Variants in SLC5A1 observed in about 807,000 individuals in gnomAD.
SLC5A1 encodes sodium/glucose cotransporter 1.
Under a neutral mutation model 73.5 loss-of-function variants are expected in SLC5A1, and 42 were observed. The observed-to-expected ratio is 0.57, with a 90% confidence interval of 0.45 to 0.74. SLC5A1 has a LOEUF of 0.74. Among genes scored for constraint, SLC5A1 ranks in the 30% least tolerant of loss-of-function variants. The probability of loss-of-function intolerance (pLI) is 0.00; values close to 1 mark genes in which losing one functional copy is unlikely to be tolerated. For synonymous variants in SLC5A1, 300 were observed against 317.4 expected, an observed-to-expected ratio of 0.95 and a Z score of 0.58; for missense variants, 634 against 855.4, an observed-to-expected ratio of 0.74 and a Z score of 3.23.
intron 1 of SLC5A1, among the ~76,000 whole-genome samples, chr22:32,048,475 G>A (rs926732508): frequency 6.6e-6 from 1 of 152,154 alleles, no homozygotes; most frequent in Admixed American, 6.5e-5. Flanking sequence ...AATAAAGCCT[G>A]CACTTTTTAG....
At chr22:32,069,659 C>A (rs1371237563) in intron 5 of SLC5A1, among the ~76,000 whole-genome samples, 1 of 152,100 alleles carries the variant, frequency 6.6e-6, no homozygotes, top group Non-Finnish European at 1.5e-5. Flanking sequence ...TAAATATATA[C>A]AATTTTTATT....
intron 13 of SLC5A1, 91 bp downstream of exon 13, chr22:32,102,328 A>G (rs2094038068): frequency 3.3e-6 from 3 of 904,856 alleles, no homozygotes; most frequent in Admixed American, 1.8e-5. Flanking sequence ...TTATGGGTAC[A>G]TAATAGTTGT....
chr22:32,103,515 C>T (rs2094039989), intron 13 of SLC5A1, among the ~76,000 whole-genome samples: 1 of 152,216 alleles, frequency 6.6e-6, no homozygotes. Context: ...AGGGCTTATT[C>T]TCTGAAACCT....
chr22:32,051,993 C>G (rs2093945677), intron 2 of SLC5A1, among the ~76,000 whole-genome samples: 1 of 152,216 alleles, frequency 6.6e-6, no homozygotes, highest in Non-Finnish European at 1.5e-5. Context: ...AGGTTTAGCT[C>G]TTGTTCTTCT....
chr22:32,071,167 C>T lies in SLC5A1; in HGVS notation c.477+2567C>T, dbSNP rs1305727174. Among the ~76,000 whole-genome samples the T allele has an allele frequency of 2.6e-5, 4 of 152,108 alleles. 1 individual carries two copies. Among genetic ancestry groups the T allele is most frequent in the South Asian group, 4.1e-4 (2 of 4,824 alleles). On this transcript the variant is annotated intron_variant, in intron 5 of 14. Transcript: ENST00000266088. The stretch of plus-strand genomic sequence containing the variant: ...CTTGAAATGTAAGATATAATGATAA[C>T]GAGGCTGGGTGCGGTGGCTCATGCC...
chr22:32,052,672 T>C (rs2093946591), intron 2 of SLC5A1, among the ~76,000 whole-genome samples: 2 of 152,184 alleles, frequency 1.3e-5, no homozygotes, highest in South Asian at 4.2e-4. Flanking sequence ...CATGTGCTCT[T>C]ACTTATCCCA....
At chr22:32,050,075 C>CA in intron 2 of SLC5A1, 61 bp downstream of exon 2, 1 of 1,416,992 alleles carries the variant, frequency 7.1e-7, no homozygotes, top group South Asian at 1.1e-5. Context: ...TTTAGGAACT[C>CA]ATTTTCTTCT....
intron 2 of SLC5A1, among the ~76,000 whole-genome samples, chr22:32,064,778 C>T (rs1314783228): frequency 6.6e-6 from 1 of 152,180 alleles, no homozygotes; most frequent in Non-Finnish European, 1.5e-5. Flanking sequence ...AAGCCACTGT[C>T]CCCTCTCACC....
intron 9 of SLC5A1, among the ~76,000 whole-genome samples, chr22:32,085,637 A>G (rs2094007031): frequency 6.7e-6 from 1 of 148,334 alleles, no homozygotes; most frequent in African/African-American, 2.5e-5. Flanking sequence ...TTGTTGCTTA[A>G]TCTCTTGCTG....
chr22:32,065,122 T>C (rs2093970580), intron 2 of SLC5A1, among the ~76,000 whole-genome samples: 2 of 152,062 alleles, frequency 1.3e-5, no homozygotes, highest in South Asian at 4.2e-4. Context: ...TTTTTACATT[T>C]TTTTTGTAGT....
intron 5 of SLC5A1, among the ~76,000 whole-genome samples, chr22:32,077,333 C>T (rs991139959): frequency 6.7e-6 from 1 of 149,472 alleles, no homozygotes; most frequent in Non-Finnish European, 1.5e-5. Flanking sequence ...TTCCTCTCTC[C>T]CCCTTTTTTC....
chr22:32,071,467 G>A (rs539723367), intron 5 of SLC5A1, among the ~76,000 whole-genome samples: 25 of 152,030 alleles, frequency 1.6e-4, no homozygotes, highest in South Asian at 4.2e-4. Context: ...ATAAATAAAT[G>A]AATGAAGATA....
chr22:32,067,637 A>G (rs2093975981), intron 3 of SLC5A1, among the ~76,000 whole-genome samples: 1 of 151,998 alleles, frequency 6.6e-6, no homozygotes, highest in Admixed American at 6.6e-5. Flanking sequence ...TAATAAATGT[A>G]ATTATTAATT....
rs765594781 is a variant in SLC5A1, at chr22:32,081,944, G to A, written c.556G>A (p.Ala186Thr). 1.2e-6 allele frequency: 2 copies of A among 1,612,166 alleles called. No homozygotes were observed. The highest frequency in any genetic ancestry group is 1.7e-6 in the Non-Finnish European group (2 of 1,178,400). The change falls in exon 6 of 15, where the codon GCA becomes ACA. Residue 186 changes from alanine (A) to threonine (T), a missense_variant. This residue lies in a region of SLC5A1 where 422 missense variants were observed against 626.1 expected (regional missense o/e 0.67). Coordinates refer to ENST00000266088, the MANE Select transcript of SLC5A1 (RefSeq NM_000343.4). Reference protein sequence around the residue: ...NLYLAIFLLLAITALYTITGG... With the variant: ...NLYLAIFLLLTITALYTITGG... ...GTATTTAGCCATCTTTCTCTTATTG[G>A]CAATCACTGCCCTTTACACAATTAC...
chr22:32,110,054 AG>A lies in SLC5A1; in HGVS notation c.1837del (p.Glu613SerfsTer8). On this transcript the variant is annotated frameshift_variant, in exon 15 of 15. Coordinates refer to ENST00000266088, the MANE Select transcript of SLC5A1 (RefSeq NM_000343.4). LOFTEE classifies it high-confidence loss of function. ...RRAYDLFCGL[E>X]QHGAPKMTEE... Reference sequence around the variant, plus strand: ...GAGCCTATGACCTATTTTGTGGGCTAGAGCAGCACGGTGCACCCAAGATGAC... The same window carrying A: ...GAGCCTATGACCTATTTTGTGGGCTAAGCAGCACGGTGCACCCAAGATGAC... 6.2e-7 allele frequency: 1 copy of A among 1,614,050 alleles called. No individual in the cohort carries two copies. The highest frequency in any genetic ancestry group is 8.5e-7 in the Non-Finnish European group (1 of 1,179,910).
intron 11 of SLC5A1, among the ~76,000 whole-genome samples, chr22:32,092,499 A>T (rs1172740771): frequency 6.6e-6 from 1 of 152,128 alleles, no homozygotes; most frequent in African/African-American, 2.4e-5. Context: ...TGGTAGTTCT[A>T]CTTTTAGTTC....
At position 32,067,952 on chromosome 22, in the gene SLC5A1, T is replaced by C; in HGVS notation, c.313-15T>C. ...TTTCCTCCTAATTTGAGTCCACCTT[T>C]TGTGTTCATTTCAGGCCCTGGTTTT... On this transcript the variant is annotated splice_polypyrimidine_tract_variant and intron_variant, in intron 3 of 14. Transcript: ENST00000266088. 1 of 1,614,088 alleles carries C rather than the reference T, an allele frequency of 6.2e-7. No individual in the cohort carries two copies. The highest frequency in any genetic ancestry group is 1.7e-5 in the Admixed American group (1 of 60,020).
rs948643101 is a variant in SLC5A1, at chr22:32,078,739, G to A, written c.478-3127G>A. Among the ~76,000 whole-genome samples, 3 of 152,034 alleles carry A rather than the reference G, an allele frequency of 2.0e-5. No individual in the cohort carries two copies. The East Asian group carries it at 5.8e-4, about 29-fold the overall frequency. ...GGAGGCTGAGGTGGGTGGATCACAA[G>A]ATCAGGAGATTGAGACCATTCTGGC... On this transcript the variant is annotated intron_variant, in intron 5 of 14. Coordinates refer to ENST00000266088, the MANE Select transcript of SLC5A1 (RefSeq NM_000343.4).
Position 32,084,910 on chromosome 22 carries a change from A to C in SLC5A1, c.896A>C (p.Gln299Pro). ...WYWCTDQVIV[Q>P]RCLSAKNMSH... is the part of the protein sequence containing the mutation. ...GGCTTTTTCTGGCAGGTCATTGTGCAGCGCTGCCTCTCAGCCAAGAATATG... is the reference window on the plus strand; with the variant it reads ...GGCTTTTTCTGGCAGGTCATTGTGCCGCGCTGCCTCTCAGCCAAGAATATG... The change falls in exon 9 of 15, where the codon CAG becomes CCG. Residue 299 changes from glutamine to proline, a missense_variant. Transcript: ENST00000266088. 1 of 1,614,192 alleles carries C rather than the reference A, an allele frequency of 6.2e-7. No individual in the cohort carries two copies. The highest frequency in any genetic ancestry group is 8.5e-7 in the Non-Finnish European group (1 of 1,180,038).
Sources: gnomAD v4.1 joint callset for allele counts (sites outside exome capture counted in the v4.1 genomes callset) on GRCh38, gnomAD v4.1.1 for gene constraint, gnomAD v4.1.1 regional missense constraint, MANE v1.5 for transcripts, NCBI Gene and HGNC (gene_info 2026-07-23, HGNC 2026-07-21) for gene names.